MASP1: variants seen among roughly 807,000 people sequenced by gnomAD.
The protein encoded by MASP1 is MBL associated serine protease 1.
In MASP1, 59 loss-of-function variants were observed where a neutral mutation model predicts 77.1. The ratio of observed to expected loss-of-function variants is 0.77; its 90% CI spans 0.62 to 0.95. The LOEUF (loss-of-function observed/expected upper bound fraction) is 0.95, where lower values mean the gene tolerates loss of function less well. MASP1 is among the 40% of genes least tolerant of loss of function. MASP1 has a pLI of 0.00. For synonymous variants in MASP1, 362 were observed against 354.5 expected (o/e 1.02, Z -0.24); for missense variants, 885 against 912.9 (o/e 0.97, Z 0.39).
intron 10 of MASP1, among the ~76,000 whole-genome samples, chr3:187,239,892 C>T (rs1349719419): frequency 1.3e-5 from 2 of 152,144 alleles, no homozygotes; most frequent in African/African-American, 4.8e-5. Context: ...GATCCCATAG[C>T]ACCTGTGATG....
In MASP1 at chr3:187,235,964, G is replaced by T. The variant is rs140344039; in HGVS notation, c.1907C>A (p.Ser636Tyr). 6.5e-5 allele frequency: 105 copies of T among 1,614,106 alleles called. No homozygotes were observed. Among genetic ancestry groups the T allele is most frequent in the Non-Finnish European group, 8.6e-5 (101 of 1,180,054 alleles). Residue 636 changes from serine (S) to tyrosine (Y), a missense_variant, in exon 11 of 11, where the codon TCC becomes TAC. Ser to Tyr is a moderately radical substitution (Grantham distance 144). Transcript: ENST00000296280. ...PHAECKTSYE[S>Y]RSGNYSVTEN... ...CGTGACGCTGTAATTGCCCGAGCGG[G>T]ACTCATAGCTAGTTTTGCACTCAGC...
chr3:187,283,863 C>A (rs527347623), intron 2 of MASP1, among the ~76,000 whole-genome samples: 73 of 152,164 alleles, frequency 4.8e-4, no homozygotes, highest in African/African-American at 1.7e-3. Flanking sequence ...GGGAATGGGC[C>A]GGGAGATTCC....
chr3:187,229,702 C>T (rs1712650664), downstream of MASP1: 47 of 1,596,688 alleles, frequency 2.9e-5, no homozygotes, highest in Non-Finnish European at 4.0e-5. Context: ...AAACCTTGGT[C>T]AGTCTCCAAG....
intron 1 of MASP1, among the ~76,000 whole-genome samples, chr3:187,286,773 C>G (rs1717893419): frequency 6.6e-6 from 1 of 152,230 alleles, no homozygotes; most frequent in Non-Finnish European, 1.5e-5. Flanking sequence ...ACTCACCACA[C>G]CAGGCTTCTG....
intron 2 of MASP1, among the ~76,000 whole-genome samples, chr3:187,273,103 C>T (rs1579565585): frequency 1.3e-5 from 2 of 152,154 alleles, no homozygotes; most frequent in African/African-American, 2.4e-5. Flanking sequence ...GCTAGTGGGG[C>T]AAGGGTCACT....
intron 11 of MASP1, among the ~76,000 whole-genome samples, chr3:187,228,376 C>A (rs771385809): frequency 6.6e-6 from 1 of 151,864 alleles, no homozygotes; most frequent in Non-Finnish European, 1.5e-5. Context: ...TGCCCTCTAA[C>A]AAAATCGGAG....
chr3:187,225,287 C>T, intron 13 of MASP1: 1 of 1,610,412 alleles, frequency 6.2e-7, no homozygotes, highest in South Asian at 1.1e-5. Flanking sequence ...TGTGGAGGCA[C>T]CAGCTGCCCT....
At chr3:187,275,142 A>G (rs1716859846) in intron 2 of MASP1, among the ~76,000 whole-genome samples, 1 of 152,188 alleles carries the variant, frequency 6.6e-6, no homozygotes, top group Admixed American at 6.5e-5. Context: ...GGCCCCAAAC[A>G]GTTCAGGACG....
At chr3:187,260,331 C>T (rs1004316547) in intron 4 of MASP1, among the ~76,000 whole-genome samples, 1 of 152,196 alleles carries the variant, frequency 6.6e-6, no homozygotes. Context: ...ACTGAGGTCT[C>T]TCTATTGTAG....
At chr3:187,217,675 T>A (rs1436304160) in exon 16 of MASP1, 1 of 152,212 alleles carries the variant, frequency 6.6e-6, no homozygotes, top group African/African-American at 2.4e-5. Flanking sequence ...CCTCTGCTTC[T>A]ATGGCTCTGT....
chr3:187,246,414 C>T, intron 8 of MASP1: 4 of 985,464 alleles, frequency 4.1e-6, no homozygotes, highest in Non-Finnish European at 4.8e-6. Flanking sequence ...CAGCCCATCT[C>T]TTCTTTGGGT....
Position 187,235,739 on chromosome 3 carries a change from A to T in MASP1, c.2132T>A (p.Val711Glu). 6.2e-7 allele frequency: 1 copy of T among 1,613,882 alleles called. No homozygotes were observed. Among genetic ancestry groups the T allele is most frequent in the Non-Finnish European group, 8.5e-7 (1 of 1,179,944 alleles). The change falls in exon 11 of 11, where the codon GTG (valine) becomes GAG (glutamate). Residue 711 changes from valine (V) to glutamate (E), a missense_variant. Transcript: ENST00000296280. ...TTGTGGTAAGCCCATCTGCTCCCAC[A>T]CCCAGTCCACGTAATTGGAGACCTT... ...YTKVSNYVDW[V>E]WEQMGLPQSV... is the part of the protein sequence containing the mutation.
chr3:187,284,323 C>T (rs1308110448), intron 2 of MASP1, among the ~76,000 whole-genome samples: 1 of 152,170 alleles, frequency 6.6e-6, no homozygotes, highest in African/African-American at 2.4e-5. Context: ...TGAACAACAT[C>T]TGGACACATT....
rs114835669 is a variant in MASP1, at chr3:187,276,193, C to T, written c.237+9632G>A. 6.2e-4 allele frequency among the ~76,000 whole-genome samples: 94 copies of T among 151,950 alleles called. 1 individual carries two copies. The highest frequency in any genetic ancestry group is 2.2e-3 in the African/African-American group (91 of 41,446). On this transcript the variant is annotated intron_variant, in intron 2 of 10. Transcript: ENST00000296280. The stretch of plus-strand genomic sequence containing the variant: ...CAAATGTCACTCTCTCAATGAGCAC[C>T]ATATTTAAATCAGAGCCCCCATCTC...
At chr3:187,218,522 A>G (rs980736392) in exon 16 of MASP1, 1 of 152,630 alleles carries the variant, frequency 6.6e-6, no homozygotes, top group Non-Finnish European at 1.5e-5. Context: ...AAGAGGTAGA[A>G]TGACTTGTTT....
chr3:187,224,456 C>T (rs1712271403), intron 13 of MASP1, among the ~76,000 whole-genome samples: 2 of 150,136 alleles, frequency 1.3e-5, no homozygotes, highest in South Asian at 4.3e-4. Context: ...ACGCCATTCT[C>T]CTGCCTCAGC....
rs998106916 is a variant in MASP1, at chr3:187,281,939, T to C, written c.237+3886A>G. ...AAAGCATATATGCTAGGGGCTAGCATTGGCCAGGCGATTAGAAAAAGTCAG... is the reference window on the plus strand; with the variant it reads ...AAAGCATATATGCTAGGGGCTAGCACTGGCCAGGCGATTAGAAAAAGTCAG... On this transcript the variant is annotated intron_variant, in intron 2 of 10. Coordinates refer to ENST00000296280, the MANE Select transcript of MASP1 (RefSeq NM_139125.4). 2.0e-5 allele frequency among the ~76,000 whole-genome samples: 3 copies of C among 152,206 alleles called. No individual in the cohort carries two copies. In the East Asian group the frequency reaches 5.8e-4, roughly 29 times the overall value.
intron 14 of MASP1, among the ~76,000 whole-genome samples, chr3:187,221,306 A>C (rs1282781010): frequency 1.3e-5 from 2 of 152,328 alleles, no homozygotes; most frequent in South Asian, 2.1e-4. Flanking sequence ...TGAATGGAGA[A>C]TCAGGAGGCC....
intron 2 of MASP1, among the ~76,000 whole-genome samples, chr3:187,277,020 C>T (rs139184750): frequency 6.6e-6 from 1 of 152,118 alleles, no homozygotes; most frequent in African/African-American, 2.4e-5. Context: ...AATTACACAG[C>T]AGGATGCAGA....
Sources: allele counts gnomAD v4.1 joint callset (sites outside exome capture counted in the v4.1 genomes callset), GRCh38; gene constraint gnomAD v4.1.1; transcripts MANE v1.5; gene names NCBI Gene and HGNC (gene_info 2026-07-23, HGNC 2026-07-21).